The following ATP8A1 variants were observed in gnomAD, a reference collection of about 807,000 sequenced individuals.
The protein encoded by ATP8A1 is ATPase phospholipid transporting 8A1, also known as phospholipid-transporting ATPase IA.
Under a neutral mutation model 177.7 loss-of-function variants are expected in ATP8A1, and 90 were observed. The observed-to-expected ratio is 0.51, with a 90% CI of 0.43 to 0.60. The LOEUF (loss-of-function observed/expected upper bound fraction) is 0.60, where lower values mean the gene tolerates loss of function less well. Ranked by LOEUF, ATP8A1 falls within the 20% of genes least tolerant of loss-of-function variation. The probability of loss-of-function intolerance (pLI) is 0.00; values close to 1 mark genes in which losing one functional copy is unlikely to be tolerated. For synonymous variants in ATP8A1, 493 were observed against 485.9 expected, an observed-to-expected ratio of 1.01 and a Z score of -0.19; for missense variants, 1,072 against 1,392.8, an observed-to-expected ratio of 0.77 and a Z score of 3.67.
intron 14 of ATP8A1, among the ~76,000 whole-genome samples, chr4:42,570,450 G>C (rs910691674): frequency 6.6e-6 from 1 of 152,210 alleles, no homozygotes; most frequent in Non-Finnish European, 1.5e-5. Flanking sequence ...ACTGTGCCAG[G>C]GAAGGGCCTG....
chr4:42,594,563 T>C (rs1003084185), intron 6 of ATP8A1, among the ~76,000 whole-genome samples: 13 of 152,212 alleles, frequency 8.5e-5, no homozygotes, highest in Non-Finnish European at 1.9e-4. Context: ...ACATTGTATA[T>C]TGGATATATA....
intron 35 of ATP8A1, among the ~76,000 whole-genome samples, chr4:42,415,344 A>G (rs1246361745): frequency 6.6e-6 from 1 of 152,182 alleles, no homozygotes; most frequent in Non-Finnish European, 1.5e-5. Flanking sequence ...GTGAAATAAC[A>G]AGGAAAGTAT....
chr4:42,575,298 C>T (rs1411806124), intron 13 of ATP8A1, among the ~76,000 whole-genome samples: 1 of 152,200 alleles, frequency 6.6e-6, no homozygotes, highest in African/African-American at 2.4e-5. Context: ...TTCCTCCCTT[C>T]CTGGCTGAAA....
intron 1 of ATP8A1, among the ~76,000 whole-genome samples, chr4:42,654,916 C>T (rs1231344736): frequency 6.6e-6 from 1 of 152,142 alleles, no homozygotes; most frequent in Non-Finnish European, 1.5e-5. Context: ...AGAAATATTT[C>T]CTAGGAAAGA....
At position 42,446,605 on chromosome 4, in the gene ATP8A1, A is replaced by T; in HGVS notation, c.2936T>A (p.Leu979Gln). 6.2e-7 allele frequency: 1 copy of T among 1,614,106 alleles called. No homozygotes were observed. The highest frequency in any genetic ancestry group is 8.5e-7 in the Non-Finnish European group (1 of 1,179,972). ...FGNGKTSDYL[L>Q]LGNFVYTFVV... ...CACAGTGTACACAAAGTTTCCCAGT[A>T]GCAGATAATCCGAGGTTTTCCCATT... is the stretch of plus-strand genomic sequence containing the variant. The change falls in exon 31 of 37, where the codon CTA becomes CAA. Residue 979 changes from leucine to glutamine, a missense_variant. Transcript: ENST00000381668.
At chr4:42,487,888 T>G (rs546619245) in intron 24 of ATP8A1, among the ~76,000 whole-genome samples, 1 of 152,230 alleles carries the variant, frequency 6.6e-6, no homozygotes, top group African/African-American at 2.4e-5. Context: ...TTACACACAG[T>G]GACACAAAGG....
intron 1 of ATP8A1, among the ~76,000 whole-genome samples, chr4:42,635,153 A>G (rs1305559082): frequency 6.6e-6 from 1 of 152,044 alleles, no homozygotes; most frequent in African/African-American, 2.4e-5. Context: ...GTCAATTAAT[A>G]TTGAGTACTT....
chr4:42,426,274 A>G (rs1406405117), intron 33 of ATP8A1, among the ~76,000 whole-genome samples: 1 of 152,220 alleles, frequency 6.6e-6, no homozygotes, highest in Non-Finnish European at 1.5e-5. Flanking sequence ...TCAGTCTCAT[A>G]GGAGAGAGAA....
intron 20 of ATP8A1, among the ~76,000 whole-genome samples, chr4:42,536,793 G>C (rs1727871027): frequency 6.6e-6 from 1 of 152,164 alleles, no homozygotes; most frequent in Admixed American, 6.5e-5. Context: ...TTTAACATCT[G>C]CAAGTCAATA....
chr4:42,621,920 A>G (rs1306191083), intron 4 of ATP8A1, among the ~76,000 whole-genome samples: 1 of 152,234 alleles, frequency 6.6e-6, no homozygotes, highest in Non-Finnish European at 1.5e-5. Flanking sequence ...ACCCAGAAAT[A>G]AGACTGCACA....
At chr4:42,494,110 A>T (rs566659939) in intron 24 of ATP8A1, among the ~76,000 whole-genome samples, 1 of 142,784 alleles carries the variant, frequency 7.0e-6, no homozygotes, top group Admixed American at 7.3e-5. Context: ...CTGAGGCAGG[A>T]GAATTTCTTG....
Position 42,557,510 on chromosome 4 carries a change from G to A in ATP8A1, c.1341-1470C>T, listed in dbSNP as rs1730362886. 3.3e-5 allele frequency among the ~76,000 whole-genome samples: 5 copies of A among 152,190 alleles called. No homozygotes were observed. In the South Asian group the frequency reaches 1.0e-3, roughly 32 times the overall value. On this transcript the variant is annotated intron_variant, in intron 15 of 36. Transcript: ENST00000381668. Reference sequence around the variant, plus strand: ...CTTTCCAAAGAATTCCAGACTAAAAGCCGTTTAAATCTGAAGATATGCCTT... The same window carrying A: ...CTTTCCAAAGAATTCCAGACTAAAAACCGTTTAAATCTGAAGATATGCCTT...
At chr4:42,632,035 T>C (rs1738791241) in intron 1 of ATP8A1, among the ~76,000 whole-genome samples, 1 of 152,302 alleles carries the variant, frequency 6.6e-6, no homozygotes, top group African/African-American at 2.4e-5. Context: ...ACATTTGACA[T>C]CCACTAATGG....
At chr4:42,627,144 T>C in intron 1 of ATP8A1, 35 bp from the exon 2 acceptor site, 1 of 1,521,270 alleles carries the variant, frequency 6.6e-7, no homozygotes, top group African/African-American at 1.4e-5. Flanking sequence ...ACAAGAAATG[T>C]TTTATTGTCC....
Position 42,471,331 on chromosome 4 carries a change from C to T in ATP8A1, c.2325-6255G>A, listed in dbSNP as rs1005596216. Among the ~76,000 whole-genome samples the T allele has an allele frequency of 2.0e-4, 31 of 152,208 alleles. 1 individual carries two copies. Among genetic ancestry groups the T allele is most frequent in the African/African-American group, 7.2e-4 (30 of 41,528 alleles). ...AGTCATAGGCATTCAGGAGACCTTA[C>T]AATATAGAGACTGAGTCTACAGAAA... On this transcript the variant is annotated intron_variant, in intron 25 of 36. Coordinates refer to ENST00000381668, the MANE Select transcript of ATP8A1 (RefSeq NM_006095.2).
chr4:42,596,680 A>AAG (rs1553913115), intron 6 of ATP8A1, among the ~76,000 whole-genome samples: 14 of 151,858 alleles, frequency 9.2e-5, no homozygotes, highest in African/African-American at 2.2e-4. Flanking sequence ...AAAAAAAAAA[A>AAG]AAAAGAAAAG....
At chr4:42,594,138 G>A (rs1044848275) in intron 6 of ATP8A1, 7 of 484,868 alleles carry the variant, frequency 1.4e-5, no homozygotes, top group Admixed American at 1.4e-4. Context: ...AGCCCTTTAA[G>A]TCCAATCAAT....
At position 42,551,189 on chromosome 4, in the gene ATP8A1, C is replaced by A; in HGVS notation, c.1602+9G>T. 3 of 1,607,804 alleles carry A rather than the reference C, an allele frequency of 1.9e-6. No individual in the cohort carries two copies. Among genetic ancestry groups the A allele is most frequent in the Non-Finnish European group, 2.6e-6 (3 of 1,174,474 alleles). On this transcript the variant is annotated intron_variant, in intron 18 of 36. Transcript: ENST00000381668. ...GGATTAAAAAGAACCTTAAAAACAA[C>A]TAACTTACTGAATCTATAATCACCG...
intron 27 of ATP8A1, among the ~76,000 whole-genome samples, chr4:42,461,715 G>A (rs1326454301): frequency 6.6e-6 from 1 of 152,214 alleles, no homozygotes; most frequent in Non-Finnish European, 1.5e-5. Flanking sequence ...AAAACATGGA[G>A]GTGACTTTGG....
Sources: allele counts gnomAD v4.1 joint callset (sites outside exome capture counted in the v4.1 genomes callset), GRCh38; gene constraint gnomAD v4.1.1; transcripts MANE v1.5; gene names NCBI Gene and HGNC (gene_info 2026-07-23, HGNC 2026-07-21).